Variants in TRNT1 observed in about 807,000 individuals in gnomAD.
The protein encoded by TRNT1 is tRNA nucleotidyl transferase 1.
A neutral mutation model predicts 45.6 loss-of-function variants in TRNT1; 44 were observed. That is an observed-to-expected ratio of 0.97 (90% CI 0.76 to 1.24). TRNT1 has a LOEUF of 1.24. TRNT1 is among the 50% of genes most tolerant of loss of function. The pLI is 0.00. For missense variants in TRNT1, 633 were observed against 504.4 expected, an observed-to-expected ratio of 1.25 and a Z score of -2.44; for synonymous variants, 201 against 171.4, an observed-to-expected ratio of 1.17 and a Z score of -1.35.
chr3:3,150,127 T>TATAGTA (rs902587656), downstream of TRNT1: 1 of 152,206 alleles, frequency 6.6e-6, no homozygotes, highest in Non-Finnish European at 1.5e-5. Context: ...ATCTTTTCCC[T>TATAGTA]ATAGTAGTAG....
At chr3:3,147,883 A>G in intron 7 of TRNT1, 23 bp from the exon 8 acceptor site, 1 of 1,595,400 alleles carries the variant, frequency 6.3e-7, no homozygotes, top group Non-Finnish European at 8.5e-7. Flanking sequence ...TGACGAAACT[A>G]AATGTTTGAT....
At chr3:3,144,844 G>C (rs1331997206) in intron 5 of TRNT1, 134 bp downstream of exon 5, 2 of 848,112 alleles carry the variant, frequency 2.4e-6, no homozygotes, top group Admixed American at 8.2e-5. Context: ...TGGAGACCTA[G>C]CACCCTATGA....
Position 3,140,664 on chromosome 3 carries a change from A to T in TRNT1, c.481+16A>T. The T allele has an allele frequency of 6.2e-7, 1 of 1,612,968 alleles. No homozygotes were observed. Among genetic ancestry groups the T allele is most frequent in the South Asian group, 1.1e-5 (1 of 90,878 alleles). ...ATGTTTTTAGGTAATATTTGCAGAT[A>T]AAACCATATTGTGAGTCTATCAGAA... On this transcript the variant is annotated intron_variant, in intron 4 of 7. Transcript: ENST00000251607.
At chr3:3,129,273 T>A in intron 2 of TRNT1, 85 bp downstream of exon 2, 1 of 1,212,124 alleles carries the variant, frequency 8.2e-7, no homozygotes, top group South Asian at 1.3e-5. Context: ...AGCATTCGGA[T>A]ATTTTCATTG....
At chr3:3,150,850 C>G (rs1287242106), downstream of TRNT1, 7 of 1,544,556 alleles carry the variant, frequency 4.5e-6, no homozygotes. Flanking sequence ...ATAACTTTAT[C>G]TCTATCACAT....
In TRNT1 at chr3:3,148,804, T is replaced by TATTATTA. The variant is rs1553556449; in HGVS notation, c.*654_*655insTTAATTA. 1 of 150,282 alleles carries TATTATTA rather than the reference T, an allele frequency of 6.7e-6. No homozygotes were observed. Among genetic ancestry groups the TATTATTA allele is most frequent in the Non-Finnish European group, 1.5e-5 (1 of 67,298 alleles). The allele number at this position is 150,282 out of a possible 1,614,324, so 9.3% of individuals were successfully genotyped here. A position where few individuals can be genotyped will look rare whatever the true frequency, so the allele number is the denominator to read the frequency against. ...TTAACTTGAGGGTCACTATTGAGCC[T>TATTATTA]ATTAATTAATTATTGTTTTAATAAA... On this transcript the variant is annotated 3_prime_UTR_variant, in exon 8 of 8. Transcript: ENST00000251607.
intron 1 of TRNT1, 26 bp downstream of exon 1, chr3:3,127,016 G>C (rs1202556687): frequency 6.6e-6 from 1 of 152,480 alleles, no homozygotes; most frequent in Non-Finnish European, 1.5e-5. Flanking sequence ...CCGCTCAGAG[G>C]GGCAGAGTTG....
chr3:3,140,427 A>G (rs1279396463), intron 3 of TRNT1, 83 bp from the exon 4 acceptor site: 1 of 1,439,762 alleles, frequency 6.9e-7, no homozygotes, highest in African/African-American at 1.4e-5. Flanking sequence ...TCCCTTTATA[A>G]AGACAAAAAC....
At chr3:3,127,435 G>T (rs969617511) in intron 1 of TRNT1, 3 of 152,290 alleles carry the variant, frequency 2.0e-5, no homozygotes, top group Non-Finnish European at 4.4e-5. Context: ...GAATGGAATG[G>T]TTTTTCTCTG....
At chr3:3,128,658 G>C (rs1328883874) in intron 1 of TRNT1, among the ~76,000 whole-genome samples, 1 of 150,486 alleles carries the variant, frequency 6.6e-6, no homozygotes, top group African/African-American at 2.5e-5. Flanking sequence ...TCAAGGTCCA[G>C]GAAAGGCCTA....
At chr3:3,135,952 G>A (rs906312709) in intron 2 of TRNT1, among the ~76,000 whole-genome samples, 7 of 152,164 alleles carry the variant, frequency 4.6e-5, no homozygotes, top group Non-Finnish European at 8.8e-5. Flanking sequence ...CTTGTATTGG[G>A]TCATTTTGGA....
downstream of TRNT1, chr3:3,152,576 CA>C (rs1559241046): frequency 6.2e-7 from 1 of 1,614,012 alleles, no homozygotes; most frequent in Non-Finnish European, 8.5e-7. Context: ...CATCGGCCCA[CA>C]TAAGGATAAA....
downstream of TRNT1, chr3:3,149,964 T>TTTAAAA (rs1229761048): frequency 6.6e-6 from 1 of 152,170 alleles, no homozygotes; most frequent in African/African-American, 2.4e-5. Context: ...TTTTTAGAAC[T>TTTAAAA]TTAAAATTAT....
chr3:3,141,180 C>A (rs334759), intron 4 of TRNT1, among the ~76,000 whole-genome samples: 140,217 of 152,272 alleles, frequency 0.92, 65,655 homozygotes, highest in East Asian at 1. Context: ...TCCTTTGTAC[C>A]GCTGTTGTGA....
At chr3:3,129,368 C>T in intron 2 of TRNT1, 180 bp downstream of exon 2, 1 of 564,964 alleles carries the variant, frequency 1.8e-6, no homozygotes, top group Non-Finnish European at 3.1e-6. Flanking sequence ...TGGGCTCACT[C>T]CTTGGCCTCC....
intron 4 of TRNT1, among the ~76,000 whole-genome samples, chr3:3,141,248 A>G (rs962866945): frequency 2.0e-5 from 3 of 152,174 alleles, no homozygotes; most frequent in Admixed American, 6.5e-5. Context: ...GTACACACTC[A>G]GTCAGTGCTA....
intron 2 of TRNT1, among the ~76,000 whole-genome samples, chr3:3,129,756 A>G (rs996357620): frequency 6.6e-6 from 1 of 152,222 alleles, no homozygotes; most frequent in African/African-American, 2.4e-5. Flanking sequence ...CTTAATGAGT[A>G]CGCACATTTT....
intron 2 of TRNT1, among the ~76,000 whole-genome samples, chr3:3,130,917 A>G (rs1198310706): frequency 6.6e-6 from 1 of 151,880 alleles, no homozygotes; most frequent in Non-Finnish European, 1.5e-5. Flanking sequence ...CCCCATCTCT[A>G]CTAAAAATAT....
chr3:3,137,149 A>G (rs577830325), intron 2 of TRNT1, 111 bp from the exon 3 acceptor site: 98 of 817,006 alleles, frequency 1.2e-4, no homozygotes, highest in Non-Finnish European at 1.7e-4. Flanking sequence ...CCTCAGTTAA[A>G]TGAATCTCTG....
Sources: allele counts gnomAD v4.1 joint callset (sites outside exome capture counted in the v4.1 genomes callset), GRCh38; gene constraint gnomAD v4.1.1; transcripts MANE v1.5; gene names NCBI Gene and HGNC (gene_info 2026-07-23, HGNC 2026-07-21).